The following ZBTB46 variants were observed in gnomAD, a reference collection of about 807,000 sequenced individuals.
ZBTB46 encodes zinc finger and BTB domain-containing protein 46.
Under a neutral mutation model 44.1 loss-of-function variants are expected in ZBTB46, and 8 were observed. The ratio of observed to expected loss-of-function variants is 0.18; its 90% CI spans 0.11 to 0.33. The LOEUF (loss-of-function observed/expected upper bound fraction) is 0.33. Ranked by LOEUF, ZBTB46 falls within the 10% of genes least tolerant of loss-of-function variation. The pLI, the probability that ZBTB46 is intolerant of heterozygous loss-of-function variation, is 1.00. For synonymous variants in ZBTB46, 409 were observed against 382.3 expected (o/e 1.07, Z -0.81); for missense variants, 651 against 847.7 (o/e 0.77, Z 2.88).
At chr20:63,823,974 G>C (rs893405882) in intron 1 of ZBTB46, among the ~76,000 whole-genome samples, 1 of 151,962 alleles carries the variant, frequency 6.6e-6, no homozygotes, top group Non-Finnish European at 1.5e-5. Flanking sequence ...TAAACGACCA[G>C]ATTACACTTG....
Position 63,790,333 on chromosome 20 carries a change from G to T in ZBTB46, c.425C>A (p.Ala142Glu). 6.2e-7 allele frequency: 1 copy of T among 1,613,026 alleles called. No homozygotes were observed. The highest frequency in any genetic ancestry group is 8.5e-7 in the Non-Finnish European group (1 of 1,179,986). ...SIKSDASDEL[A>E]EFEIGASSSS... ...GGACGAGGCGCCGATCTCGAACTCC[G>T]CAAGCTCATCTGAGGCGTCCGACTT... Residue 142 changes from alanine (A) to glutamate (E), a missense_variant, in exon 2 of 5, where the codon GCG becomes GAG. This residue lies in a region of ZBTB46 where 385 missense variants were observed against 423.3 expected (regional missense o/e 0.91). Transcript: ENST00000245663.
chr20:63,750,964 G>A (rs2092155148), intron 4 of ZBTB46, among the ~76,000 whole-genome samples: 1 of 152,078 alleles, frequency 6.6e-6, no homozygotes, highest in Non-Finnish European at 1.5e-5. Flanking sequence ...CAGCCACACT[G>A]AACCTCAAAC....
chr20:63,785,230 AAAAAAAAAAG>A lies in ZBTB46; in HGVS notation c.937+4581_937+4590del, dbSNP rs1352750956. ...CCGGCAACAGAGCGAGACTCAAAAAAAAAAAAAAAGAAAAGAAAAGAAAAAGAAAGAAGGA... is the reference window on the plus strand; with the variant it reads ...CCGGCAACAGAGCGAGACTCAAAAAAAAAAGAAAAGAAAAAGAAAGAAGGA... On this transcript the variant is annotated intron_variant, in intron 2 of 4. Transcript: ENST00000245663. Among the ~76,000 whole-genome samples the A allele has an allele frequency of 4.3e-5, 6 of 140,836 alleles. No individual in the cohort carries two copies. In the East Asian group the frequency reaches 1.4e-3, roughly 32 times the overall value. The allele number at this position is 140,836 out of a possible 152,430, so 92.4% of individuals were successfully genotyped here.
intron 3 of ZBTB46, among the ~76,000 whole-genome samples, chr20:63,772,619 T>C (rs1033184853): frequency 2.0e-5 from 3 of 152,010 alleles, no homozygotes; most frequent in African/African-American, 7.2e-5. Context: ...CTTGGGAGGC[T>C]GAGGCAGGAG....
intron 1 of ZBTB46, among the ~76,000 whole-genome samples, chr20:63,795,227 G>C (rs2092592460): frequency 1.3e-5 from 2 of 152,186 alleles, no homozygotes; most frequent in African/African-American, 4.8e-5. Context: ...CTTATGAAAC[G>C]GGCATCAGCA....
Position 63,746,757 on chromosome 20 carries a change from G to T in ZBTB46, c.*173C>A. 2 of 1,042,128 alleles carry T rather than the reference G, an allele frequency of 1.9e-6. No homozygotes were observed. The highest frequency in any genetic ancestry group is 2.6e-6 in the Non-Finnish European group (2 of 762,426). The allele number at this position is 1,042,128 out of a possible 1,614,324, so 64.6% of individuals were successfully genotyped here. A position where few individuals can be genotyped will look rare whatever the true frequency, so the allele number is the denominator to read the frequency against. On this transcript the variant is annotated 3_prime_UTR_variant, in exon 5 of 5. Transcript: ENST00000245663. ...GGTCCCAGAGCACCCCTCTTGCTGGGGTCGCACCTGCTTAGCCCGCAGGGC... is the reference window on the plus strand; with the variant it reads ...GGTCCCAGAGCACCCCTCTTGCTGGTGTCGCACCTGCTTAGCCCGCAGGGC...
At chr20:63,759,456 C>T (rs2092254679) in intron 3 of ZBTB46, among the ~76,000 whole-genome samples, 1 of 151,934 alleles carries the variant, frequency 6.6e-6, no homozygotes, top group Admixed American at 6.6e-5. Context: ...AGCTCCTGAG[C>T]TCAAGTGACC....
chr20:63,758,436 A>T (rs563362829), intron 3 of ZBTB46, among the ~76,000 whole-genome samples: 8 of 151,838 alleles, frequency 5.3e-5, no homozygotes, highest in African/African-American at 1.9e-4. Flanking sequence ...CTCCTGACTG[A>T]CCCTGGTGCT....
intron 1 of ZBTB46, among the ~76,000 whole-genome samples, chr20:63,830,441 C>T (rs1026315572): frequency 6.6e-6 from 1 of 150,894 alleles, no homozygotes; most frequent in African/African-American, 2.4e-5. Context: ...CGCCCCGCCC[C>T]GAGGCCCCTG....
chr20:63,772,162 T>C (rs1034397199), intron 3 of ZBTB46, among the ~76,000 whole-genome samples: 3 of 151,938 alleles, frequency 2.0e-5, no homozygotes, highest in African/African-American at 7.3e-5. Flanking sequence ...ACCCGGGTAA[T>C]TTTTTGTATT....
intron 3 of ZBTB46, among the ~76,000 whole-genome samples, chr20:63,765,036 TGTGC>T (rs976191682): frequency 1.9e-4 from 9 of 48,490 alleles, no homozygotes; most frequent in Admixed American, 1.9e-4. Context: ...CTTGTGTGTG[TGTGC>T]GTGCGTGTGT....
At chr20:63,800,589 T>C (rs2092635999) in intron 1 of ZBTB46, among the ~76,000 whole-genome samples, 1 of 152,226 alleles carries the variant, frequency 6.6e-6, no homozygotes, top group African/African-American at 2.4e-5. Context: ...GAACCGGGGC[T>C]GCGTGCGGCG....
intron 2 of ZBTB46, among the ~76,000 whole-genome samples, chr20:63,777,734 A>C (rs2092437201): frequency 6.6e-6 from 1 of 152,224 alleles, no homozygotes; most frequent in Non-Finnish European, 1.5e-5. Context: ...CAAAAGGTGG[A>C]ACAGCCAACA....
chr20:63,778,481 T>A (rs1325021575), intron 2 of ZBTB46, among the ~76,000 whole-genome samples: 1 of 152,202 alleles, frequency 6.6e-6, no homozygotes, highest in South Asian at 2.1e-4. Flanking sequence ...CAGGGGGCAC[T>A]TGGAGCAGGG....
At chr20:63,830,789 G>T (rs1164183185) in intron 1 of ZBTB46, among the ~76,000 whole-genome samples, 1 of 144,058 alleles carries the variant, frequency 6.9e-6, no homozygotes, top group African/African-American at 2.5e-5. Flanking sequence ...CAGCCCAGCC[G>T]CCTCCGCGCT....
rs146357195 is a variant in ZBTB46, at chr20:63,790,326, G to A, written c.432C>T (p.Phe144=). 1.5e-5 allele frequency: 25 copies of A among 1,612,984 alleles called. No homozygotes were observed. Among genetic ancestry groups the A allele is most frequent in the African/African-American group, 2.7e-5 (2 of 74,940 alleles). ...TGCTGCTGGACGAGGCGCCGATCTC[G>A]AACTCCGCAAGCTCATCTGAGGCGT... is the stretch of plus-strand genomic sequence containing the variant. ...KSDASDELAE[F]EIGASSSSST... is the part of the protein sequence containing the mutation. Residue 144 remains phenylalanine (F), a synonymous_variant, in exon 2 of 5, where the codon TTC becomes TTT. Transcript: ENST00000245663.
chr20:63,754,387 G>A (rs983256900), intron 3 of ZBTB46, among the ~76,000 whole-genome samples: 1 of 152,170 alleles, frequency 6.6e-6, no homozygotes, highest in African/African-American at 2.4e-5. Context: ...CAGAGCAAAC[G>A]CTCCACACAT....
At chr20:63,765,711 T>C (rs2092315514) in intron 3 of ZBTB46, among the ~76,000 whole-genome samples, 1 of 96,928 alleles carries the variant, frequency 1.0e-5, no homozygotes, top group Admixed American at 1.1e-4. Flanking sequence ...ATTACAGGCA[T>C]GAGCCATTGC....
chr20:63,747,510 C>CAGGGCCTGGTTGGGGTGGGGGGGG (rs1213238060), intron 4 of ZBTB46, among the ~76,000 whole-genome samples: 1 of 18,420 alleles, frequency 5.4e-5, no homozygotes, highest in Non-Finnish European at 1.0e-4. Flanking sequence ...GGGAGGGGGG[C>CAGGGCCTGGTTGGGGTGGGGGGGG]CAGGGGGTGA....
Sources: gnomAD v4.1 joint callset for allele counts (sites outside exome capture counted in the v4.1 genomes callset) on GRCh38, gnomAD v4.1.1 for gene constraint, gnomAD v4.1.1 regional missense constraint, MANE v1.5 for transcripts, NCBI Gene and HGNC (gene_info 2026-07-23, HGNC 2026-07-21) for gene names.